Variants in DSP observed in about 807,000 individuals in gnomAD.
The protein encoded by DSP is desmoplakin.
A neutral mutation model predicts 290.6 loss-of-function variants in DSP; 114 were observed. That is an observed-to-expected ratio of 0.39 (90% CI 0.34 to 0.46). DSP has a LOEUF of 0.46. DSP is among the 20% of genes least tolerant of loss of function. DSP has a pLI of 0.99. For missense variants in DSP, 3,230 were observed against 3,495.8 expected (o/e 0.92, Z 1.92); for synonymous variants, 1,311 against 1,316.4 (o/e 1.00, Z 0.09).
intron 12 of DSP, among the ~76,000 whole-genome samples, chr6:7,569,693 G>C (rs1385726258): frequency 6.6e-6 from 1 of 152,168 alleles, no homozygotes; most frequent in Non-Finnish European, 1.5e-5. Flanking sequence ...AATTAGCCAG[G>C]TGTGGTGGTA....
At chr6:7,554,197 C>T (rs1581789681) in intron 1 of DSP, among the ~76,000 whole-genome samples, 1 of 151,520 alleles carries the variant, frequency 6.6e-6, no homozygotes, top group Non-Finnish European at 1.5e-5. Context: ...GAAGAGCCAA[C>T]TTCTTGTAGC....
In DSP at chr6:7,574,657, C is replaced by A; in HGVS notation, c.2298C>A (p.Ser766Arg). 2 of 1,613,998 alleles carry A rather than the reference C, an allele frequency of 1.2e-6. No homozygotes were observed. Among genetic ancestry groups the A allele is most frequent in the South Asian group, 1.1e-5 (1 of 91,076 alleles). Residue 766 changes from serine to arginine, a missense_variant and splice_region_variant, in exon 17 of 24, where the codon AGC becomes AGA. Ser to Arg is a moderately radical substitution (Grantham distance 110, BLOSUM62 -1). This residue lies in a region of DSP where 1,714 missense variants were observed against 1,844.5 expected (regional missense o/e 0.93). Transcript: ENST00000379802. Reference protein sequence around the residue: ...INGVTDGYLNSLCTVRALLQA... With the variant: ...INGVTDGYLNRLCTVRALLQA... ...TATGTGCTTCTTTTGCTCTTTCCAG[C>A]TTATGCACAGTAAGGGCACTGCTCC...
intron 4 of DSP, among the ~76,000 whole-genome samples, chr6:7,561,352 G>C (rs907815301): frequency 6.6e-6 from 1 of 152,108 alleles, no homozygotes; most frequent in Admixed American, 6.5e-5. Flanking sequence ...CTGTTTGATT[G>C]CTTACTGCAG....
chr6:7,572,548 G>A (rs1478842872), intron 15 of DSP, among the ~76,000 whole-genome samples: 1 of 152,214 alleles, frequency 6.6e-6, no homozygotes, highest in Admixed American at 6.5e-5. Context: ...GATATTCTAA[G>A]AGGATCACAT....
In DSP at chr6:7,562,999, T is replaced by G. The variant is rs2076295; in HGVS notation, c.726+219T>G. The stretch of plus-strand genomic sequence containing the variant: ...AGAGGAGTTAAACCAGAGGCTGAGG[T>G]TGTGCAAACACTCATTTGCAGTTTG... On this transcript the variant is annotated intron_variant, in intron 5 of 23. Transcript: ENST00000379802. 0.45 allele frequency among the ~76,000 whole-genome samples: 68,868 copies of G among 152,042 alleles called. 15,880 individuals are homozygous for G. Among genetic ancestry groups the G allele is most frequent in the African/African-American group, 0.51 (21,258 of 41,454 alleles).
rs1248664648 is a variant in DSP, at chr6:7,585,539, C to T, written c.8277C>T (p.Arg2759=). 1.2e-5 allele frequency: 20 copies of T among 1,614,032 alleles called. No homozygotes were observed. Among genetic ancestry groups the T allele is most frequent in the Non-Finnish European group, 1.7e-5 (20 of 1,180,062 alleles). The change falls in exon 24 of 24, where the codon CGC becomes CGT. Residue 2759 remains arginine (R), a synonymous_variant. Transcript: ENST00000379802. ...EAIRKGFIDG[R]AAQRLQDTSS... Reference sequence around the variant, plus strand: ...TCCGGAAGGGGTTCATAGATGGCCGCGCCGCACAGAGGCTGCAAGACACCA... The same window carrying T: ...TCCGGAAGGGGTTCATAGATGGCCGTGCCGCACAGAGGCTGCAAGACACCA...
chr6:7,582,925 G>A lies in DSP; in HGVS notation c.5663G>A (p.Ser1888Asn), dbSNP rs1433736921. 3.1e-6 allele frequency: 5 copies of A among 1,614,082 alleles called. No homozygotes were observed. In the Admixed American group the frequency reaches 6.7e-5, roughly 22 times the overall value. ...AAGATAGAATCGGAAAGAGAAAAGA[G>A]TGAGAGAGAGAAGAACAGTCTTAGG... ...IRKIESEREK[S>N]EREKNSLRSE... The change falls in exon 24 of 24, where the codon AGT (serine) becomes AAT (asparagine). Residue 1888 changes from serine to asparagine, a missense_variant. Coordinates refer to ENST00000379802, the MANE Select transcript of DSP (RefSeq NM_004415.4). This position sits in a 1 kb window ranked among gnomAD's most constrained non-coding sequence, Gnocchi z 4.2.
At chr6:7,550,697 T>C (rs561918173) in intron 1 of DSP, among the ~76,000 whole-genome samples, 1 of 152,170 alleles carries the variant, frequency 6.6e-6, no homozygotes, top group Admixed American at 6.5e-5. Context: ...TTAAAAACTT[T>C]TAAGGATGAG....
At chr6:7,578,616 T>C in intron 22 of DSP, 54 bp downstream of exon 22, 8 of 1,300,128 alleles carry the variant, frequency 6.2e-6, no homozygotes, top group Non-Finnish European at 8.9e-6. Context: ...GAATAGAACC[T>C]TATTATTACT....
rs61605193 is a variant in DSP, at chr6:7,554,126, C to CA, written c.171-1592_171-1591insA. On this transcript the variant is annotated intron_variant, in intron 1 of 23. Transcript: ENST00000379802. ...ACACACACACACACACACACACACACCCAGTTGGTTAGACAGGCATCAGAT... is the reference window on the plus strand; with the variant it reads ...ACACACACACACACACACACACACACACCAGTTGGTTAGACAGGCATCAGAT... Among the ~76,000 whole-genome samples the CA allele has an allele frequency of 6.6e-3, 854 of 130,354 alleles. 9 individuals are homozygous for CA. The highest frequency in any genetic ancestry group is 0.024 in the African/African-American group (723 of 30,722). 85.5% of individuals were successfully genotyped at this position (130,354 alleles called of 152,430 possible).
At chr6:7,576,820 A>G in intron 19 of DSP, 139 bp from the exon 20 acceptor site, 1 of 799,854 alleles carries the variant, frequency 1.3e-6, no homozygotes, top group East Asian at 2.7e-5. Context: ...CTAAGCTGTA[A>G]CTATAAAAAT....
intron 1 of DSP, among the ~76,000 whole-genome samples, 189 bp downstream of exon 1, chr6:7,542,274 C>G (rs1305628895): frequency 7.0e-6 from 1 of 143,106 alleles, no homozygotes; most frequent in East Asian, 2.2e-4. Context: ...CAGGTTGGCC[C>G]CTGTCCTGCG....
Position 7,585,688 on chromosome 6 carries a change from C to G in DSP, c.8426C>G (p.Ser2809Trp). The change falls in exon 24 of 24, where the codon TCG becomes TGG. Residue 2809 changes from serine (S) to tryptophan (W), a missense_variant. Physicochemically the swap from Ser to Trp is radical, Grantham distance 177. Transcript: ENST00000379802. ...CGCCTTCTGGAAGCCGCCTCCGTGT[C>G]GTCCAAGGGCTTACCCAGCCCTTAC... The part of the protein sequence containing the change: ...GLRLLEAASV[S>W]SKGLPSPYNM... 6.2e-7 allele frequency: 1 copy of G among 1,614,184 alleles called. No individual in the cohort carries two copies. Among genetic ancestry groups the G allele is most frequent in the Non-Finnish European group, 8.5e-7 (1 of 1,180,030 alleles).
Position 7,582,812 on chromosome 6 carries a change from A to G in DSP, c.5550A>G (p.Lys1850=), listed in dbSNP as rs1759482564. The change falls in exon 24 of 24, where the codon AAA becomes AAG. Residue 1850 remains lysine (K), a synonymous_variant. Coordinates refer to ENST00000379802, the MANE Select transcript of DSP (RefSeq NM_004415.4). This position sits in a 1 kb window ranked among gnomAD's most constrained non-coding sequence, Gnocchi z 4.2. Reference sequence around the variant, plus strand: ...CTCTAGAGGCAGAAACCAGGGTGAAACAGCGCCTGGAGTGTGAGAAACAGC... The same window carrying G: ...CTCTAGAGGCAGAAACCAGGGTGAAGCAGCGCCTGGAGTGTGAGAAACAGC... ...KSTLEAETRV[K]QRLECEKQQI... is the part of the protein sequence containing the mutation. 1 of 1,613,982 alleles carries G rather than the reference A, an allele frequency of 6.2e-7. No individual in the cohort carries two copies. Among genetic ancestry groups the G allele is most frequent in the African/African-American group, 1.3e-5 (1 of 74,878 alleles).
chr6:7,554,341 CCTTG>C, intron 1 of DSP, among the ~76,000 whole-genome samples: 1 of 152,262 alleles, frequency 6.6e-6, no homozygotes, highest in East Asian at 1.9e-4. Flanking sequence ...TTTGGTTATA[CCTTG>C]CTTGAAGAGC....
intron 1 of DSP, among the ~76,000 whole-genome samples, chr6:7,549,444 C>A (rs1165379866): frequency 6.6e-6 from 1 of 152,092 alleles, no homozygotes; most frequent in Non-Finnish European, 1.5e-5. Context: ...CCACCGTACC[C>A]GGCTAGTGAA....
intron 19 of DSP, among the ~76,000 whole-genome samples, 153 bp downstream of exon 19, chr6:7,576,609 A>G (rs1759248202): frequency 6.6e-6 from 1 of 152,248 alleles, no homozygotes; most frequent in African/African-American, 2.4e-5. Context: ...TGCCCAGAGG[A>G]AAAGCAACTG....
intron 1 of DSP, among the ~76,000 whole-genome samples, chr6:7,546,193 G>A (rs1486403744): frequency 1.3e-5 from 2 of 152,330 alleles, no homozygotes; most frequent in South Asian, 4.1e-4. Context: ...AGTAGGTATT[G>A]CCAAGGTGGA....
At chr6:7,576,077 G>A (rs994298679) in intron 18 of DSP, among the ~76,000 whole-genome samples, 14 of 151,996 alleles carry the variant, frequency 9.2e-5, no homozygotes, top group African/African-American at 3.4e-4. Context: ...GTTTGGCAGT[G>A]CCACATTTTG....
Sources: allele counts gnomAD v4.1 joint callset (sites outside exome capture counted in the v4.1 genomes callset), GRCh38; gene constraint gnomAD v4.1.1; regional missense constraint gnomAD v4.1.1; non-coding constraint Gnocchi (gnomAD v3.1); transcripts MANE v1.5; gene names NCBI Gene and HGNC (gene_info 2026-07-23, HGNC 2026-07-21).